Variants in MAN1A1 observed in about 807,000 individuals in gnomAD.
MAN1A1 encodes the protein mannosidase alpha class 1A member 1.
In MAN1A1, 29 loss-of-function variants were observed where a neutral mutation model predicts 70.8. The observed-to-expected ratio is 0.41, with a 90% CI of 0.31 to 0.56. MAN1A1 has a LOEUF of 0.56. Among genes scored for constraint, MAN1A1 ranks in the 20% least tolerant of loss-of-function variants. The pLI, the probability that MAN1A1 is intolerant of heterozygous loss-of-function variation, is 0.29. For synonymous variants in MAN1A1, 349 were observed against 330.1 expected, an observed-to-expected ratio of 1.06 and a Z score of -0.62; for missense variants, 747 against 841.3, an observed-to-expected ratio of 0.89 and a Z score of 1.39.
chr6:119,246,698 C>T (rs150692885), intron 6 of MAN1A1, among the ~76,000 whole-genome samples: 9 of 152,156 alleles, frequency 5.9e-5, no homozygotes, highest in East Asian at 3.9e-4. Context: ...AGAGTAGTAT[C>T]TTGGTCAGAA....
intron 5 of MAN1A1, among the ~76,000 whole-genome samples, chr6:119,286,308 C>T (rs1257544381): frequency 6.6e-6 from 1 of 151,964 alleles, no homozygotes; most frequent in Non-Finnish European, 1.5e-5. Context: ...AATTTCTAAC[C>T]CCCAAATACT....
chr6:119,253,046 A>T (rs763763289), intron 5 of MAN1A1, among the ~76,000 whole-genome samples: 19 of 152,176 alleles, frequency 1.2e-4, no homozygotes, highest in Non-Finnish European at 2.6e-4. Flanking sequence ...CATAAAAAAA[A>T]AATCGTCGTT....
chr6:119,276,186 G>A (rs1247813247), intron 5 of MAN1A1, among the ~76,000 whole-genome samples: 1 of 152,042 alleles, frequency 6.6e-6, no homozygotes, highest in South Asian at 2.1e-4. Context: ...CTGTGGCTCC[G>A]ATTTGGCCTA....
At chr6:119,228,060 C>T (rs2114273348) in intron 6 of MAN1A1, among the ~76,000 whole-genome samples, 2 of 152,148 alleles carry the variant, frequency 1.3e-5, no homozygotes, top group Middle Eastern at 3.4e-3. Context: ...AGAAACAAAA[C>T]ATTTTATATC....
At chr6:119,213,799 T>C (rs1313689111) in intron 6 of MAN1A1, among the ~76,000 whole-genome samples, 1 of 152,236 alleles carries the variant, frequency 6.6e-6, no homozygotes, top group African/African-American at 2.4e-5. Context: ...CGGTAATCCA[T>C]TATATTTTCT....
At chr6:119,321,632 T>G (rs1158156650) in intron 2 of MAN1A1, among the ~76,000 whole-genome samples, 1 of 151,224 alleles carries the variant, frequency 6.6e-6, no homozygotes, top group Non-Finnish European at 1.5e-5. Context: ...TTTTTTTTTT[T>G]TTTGAGACAG....
At chr6:119,321,987 C>T (rs1484037405) in intron 2 of MAN1A1, among the ~76,000 whole-genome samples, 1 of 152,174 alleles carries the variant, frequency 6.6e-6, no homozygotes, top group Non-Finnish European at 1.5e-5. Flanking sequence ...CAGTGGCCCA[C>T]TCCTATAGAA....
At chr6:119,219,079 C>G (rs1248427106) in intron 6 of MAN1A1, among the ~76,000 whole-genome samples, 2 of 152,158 alleles carry the variant, frequency 1.3e-5, no homozygotes, top group Non-Finnish European at 2.9e-5. Context: ...GCTGCAGTTT[C>G]AAAGAACCTG....
intron 11 of MAN1A1, among the ~76,000 whole-genome samples, chr6:119,187,843 G>C (rs1162589692): frequency 6.6e-6 from 1 of 152,214 alleles, no homozygotes; most frequent in Non-Finnish European, 1.5e-5. Context: ...TCCTCAGCAG[G>C]AAGAGACCCA....
chr6:119,331,931 C>G (rs759414462), intron 2 of MAN1A1: 46 of 508,348 alleles, frequency 9.0e-5, no homozygotes, highest in Admixed American at 6.4e-4. Flanking sequence ...AGGGACCAGA[C>G]AGACCTGGAT....
At chr6:119,303,162 G>A (rs969752287) in intron 3 of MAN1A1, among the ~76,000 whole-genome samples, 4 of 152,082 alleles carry the variant, frequency 2.6e-5, no homozygotes, top group African/African-American at 4.8e-5. Context: ...GGGATTATAC[G>A]TGTGTGCCAC....
chr6:119,203,753 C>T (rs960442739), intron 7 of MAN1A1, among the ~76,000 whole-genome samples: 1 of 152,046 alleles, frequency 6.6e-6, no homozygotes, highest in Non-Finnish European at 1.5e-5. Context: ...TGGAGAAGCA[C>T]GTCTAGGCGT....
At chr6:119,217,661 T>C (rs1177143236) in intron 6 of MAN1A1, among the ~76,000 whole-genome samples, 1 of 152,220 alleles carries the variant, frequency 6.6e-6, no homozygotes, top group Non-Finnish European at 1.5e-5. Flanking sequence ...TTATGCTTTA[T>C]AATTAAAAAA....
chr6:119,310,570 C>T (rs1417213011), intron 2 of MAN1A1, among the ~76,000 whole-genome samples: 2 of 152,196 alleles, frequency 1.3e-5, no homozygotes, highest in African/African-American at 2.4e-5. Flanking sequence ...GTAGTTCTCA[C>T]TAATGGATGG....
chr6:119,213,972 A>AT (rs530100389), intron 6 of MAN1A1, among the ~76,000 whole-genome samples: 36 of 148,196 alleles, frequency 2.4e-4, no homozygotes, highest in African/African-American at 4.4e-4. Context: ...GCCTAAAAAC[A>AT]TTTTTTTTTT....
At chr6:119,342,040 T>C (rs1249527307) in intron 2 of MAN1A1, among the ~76,000 whole-genome samples, 2 of 152,240 alleles carry the variant, frequency 1.3e-5, no homozygotes, top group East Asian at 3.8e-4. Context: ...TCTGCGGGAA[T>C]AGGCATATTT....
rs972008889 is a variant in MAN1A1 at position 119,178,586 on chromosome 6, A to T, written c.*1233T>A. 1 of 152,088 alleles carries T rather than the reference A, an allele frequency of 6.6e-6. No individual in the cohort carries two copies. Among genetic ancestry groups the T allele is most frequent in the African/African-American group, 2.4e-5 (1 of 41,428 alleles). 9.4% of individuals were successfully genotyped at this position (152,088 alleles called of 1,614,324 possible). A position where few individuals can be genotyped will look rare whatever the true frequency, so the allele number is the denominator to read the frequency against. On this transcript the variant is annotated 3_prime_UTR_variant, in exon 13 of 13. Transcript: ENST00000368468. ...TAATGTTTAAAAGAATCATATATTG[A>T]TTTTGATTTACTCCAGGACTGTGGG...
chr6:119,263,190 G>A (rs991860718), intron 5 of MAN1A1, among the ~76,000 whole-genome samples: 1 of 151,832 alleles, frequency 6.6e-6, no homozygotes, highest in Non-Finnish European at 1.5e-5. Flanking sequence ...TGTAAAAGGG[G>A]AGTTTATTAA....
Position 119,348,753 on chromosome 6 carries a change from GGCGCCGGGCTC to G in MAN1A1, c.302_312del (p.Arg101ProfsTer60). The G allele has an allele frequency of 6.4e-7, 1 of 1,557,402 alleles. No individual in the cohort carries two copies. On this transcript the variant is annotated frameshift_variant, in exon 2 of 13. Coordinates refer to ENST00000368468, the MANE Select transcript of MAN1A1 (RefSeq NM_005907.4). LOFTEE classifies it high-confidence loss of function. ...GGGTCCCCGGGTGCCCCCTCCTCGC[GGCGCCGGGCTC>G]GCCCCTCGGCCGCGTCCTCGGCGCG...
Sources: allele counts gnomAD v4.1 joint callset (sites outside exome capture counted in the v4.1 genomes callset), GRCh38; gene constraint gnomAD v4.1.1; transcripts MANE v1.5; gene names NCBI Gene and HGNC (gene_info 2026-07-23, HGNC 2026-07-21).